HERC4: variants seen among roughly 807,000 people sequenced by gnomAD.
HERC4 encodes probable E3 ubiquitin-protein ligase HERC4.
A neutral mutation model predicts 124.3 loss-of-function variants in HERC4; 28 were observed. The ratio of observed to expected loss-of-function variants is 0.23; its 90% CI spans 0.17 to 0.31. HERC4 has a LOEUF of 0.31. Among genes scored for constraint, HERC4 ranks in the 10% least tolerant of loss-of-function variants. The pLI is 1.00. For synonymous variants in HERC4, 407 were observed against 421.5 expected (o/e 0.97, Z 0.42); for missense variants, 713 against 1,229.3 (o/e 0.58, Z 6.28).
At chr10:68,022,232 G>A (rs1034579301) in intron 8 of HERC4, among the ~76,000 whole-genome samples, 4 of 152,158 alleles carry the variant, frequency 2.6e-5, no homozygotes, top group Non-Finnish European at 5.9e-5. Context: ...AGGTGTGGGG[G>A]CTCACGCCTG....
chr10:67,950,727 G>C (rs114436460), intron 19 of HERC4, among the ~76,000 whole-genome samples: 2 of 152,206 alleles, frequency 1.3e-5, no homozygotes, highest in Non-Finnish European at 2.9e-5. Flanking sequence ...TTGATTTCAC[G>C]GTCTTCAACA....
At chr10:67,954,010 T>G (rs183712923) in intron 19 of HERC4, among the ~76,000 whole-genome samples, 4 of 152,334 alleles carry the variant, frequency 2.6e-5, no homozygotes, top group Non-Finnish European at 5.9e-5. Flanking sequence ...TCTACTAAAC[T>G]GATCCATCCT....
At position 67,992,686 on chromosome 10, in the gene HERC4, T is replaced by G. The variant is rs770707791; in HGVS notation, c.1070-4A>C. 7 of 1,439,646 alleles carry G rather than the reference T, an allele frequency of 4.9e-6. No individual in the cohort carries two copies. Among genetic ancestry groups the G allele is most frequent in the Non-Finnish European group, 6.7e-6 (7 of 1,045,764 alleles). 89.2% of individuals were successfully genotyped at this position (1,439,646 alleles called of 1,614,324 possible). A position where few individuals can be genotyped will look rare whatever the true frequency, so the allele number is the denominator to read the frequency against. ...ACACAGAAATATTCTTCAGAATCTG[T>G]AATAAAAATGTAAAAAATTAAAAGC... On this transcript the variant is annotated splice_polypyrimidine_tract_variant and splice_region_variant and intron_variant, in intron 9 of 24. Transcript: ENST00000373700.
chr10:67,923,567 TC>T (rs2030492020), intron 24 of HERC4, among the ~76,000 whole-genome samples: 1 of 152,122 alleles, frequency 6.6e-6, no homozygotes, highest in African/African-American at 2.4e-5. Context: ...TTCAAATCAT[TC>T]TTTTTTTTTT....
rs550623934 is a variant in HERC4 at position 67,931,586 on chromosome 10, G to A, written c.2838+1011C>T. ...ATTACAGGTGTGTGCCACCACACCC[G>A]ATTAATTTTTGTATTTTTAGTAGAG... On this transcript the variant is annotated intron_variant, in intron 23 of 24. Coordinates refer to ENST00000373700, the MANE Select transcript of HERC4 (RefSeq NM_015601.4). Among the ~76,000 whole-genome samples the A allele has an allele frequency of 8.6e-5, 13 of 151,568 alleles. 2 individuals carry two copies. Among genetic ancestry groups the A allele is most frequent in the African/African-American group, 2.7e-4 (11 of 41,304 alleles).
At chr10:68,051,872 T>C (rs900581803) in intron 3 of HERC4, among the ~76,000 whole-genome samples, 2 of 151,308 alleles carry the variant, frequency 1.3e-5, no homozygotes, top group African/African-American at 2.4e-5. Flanking sequence ...TTTCACTATG[T>C]TGCCCAGGGT....
intron 22 of HERC4, among the ~76,000 whole-genome samples, chr10:67,933,722 G>A (rs968848905): frequency 6.6e-6 from 1 of 152,022 alleles, no homozygotes; most frequent in African/African-American, 2.4e-5. Context: ...ACATCAAATA[G>A]TAACAATCCT....
At chr10:68,031,165 T>C (rs867269739) in intron 7 of HERC4, among the ~76,000 whole-genome samples, 36 of 152,108 alleles carry the variant, frequency 2.4e-4, no homozygotes, top group African/African-American at 7.5e-4. Flanking sequence ...GAGAGAAGAA[T>C]ACAAAAGATT....
At chr10:67,931,856 G>A (rs2031848316) in intron 23 of HERC4, among the ~76,000 whole-genome samples, 1 of 152,138 alleles carries the variant, frequency 6.6e-6, no homozygotes, top group African/African-American at 2.4e-5. Context: ...TCAACCACCT[G>A]GGATCAAGAG....
At position 68,059,873 on chromosome 10, in the gene HERC4, A is replaced by ATATC. The variant is rs1564610135; in HGVS notation, c.226+13009_226+13010insGATA. ...TATATATCATAATATTATATATTATAATAATATTATATATCATAATATTAT... is the reference window on the plus strand; with the variant it reads ...TATATATCATAATATTATATATTATATATCATAATATTATATATCATAATATTAT... On this transcript the variant is annotated intron_variant, in intron 3 of 24. Transcript: ENST00000373700. 3.9e-4 allele frequency among the ~76,000 whole-genome samples: 29 copies of ATATC among 73,494 alleles called. 6 individuals are homozygous for ATATC. Among genetic ancestry groups the ATATC allele is most frequent in the African/African-American group, 3.8e-3 (28 of 7,372 alleles). 48.2% of individuals were successfully genotyped at this position (73,494 alleles called of 152,430 possible).
chr10:67,998,612 A>G (rs2132892987), intron 9 of HERC4, among the ~76,000 whole-genome samples: 1 of 151,366 alleles, frequency 6.6e-6, no homozygotes, highest in Non-Finnish European at 1.5e-5. Flanking sequence ...TATTATTTAA[A>G]ATGTTTTCTG....
chr10:68,020,269 CA>C (rs2038529483), intron 8 of HERC4, among the ~76,000 whole-genome samples: 1 of 152,036 alleles, frequency 6.6e-6, no homozygotes, highest in African/African-American at 2.4e-5. Flanking sequence ...ACAAGACATA[CA>C]AAGTAGTAGG....
intron 7 of HERC4, among the ~76,000 whole-genome samples, chr10:68,031,090 A>G (rs1328107833): frequency 1.3e-5 from 2 of 152,174 alleles, no homozygotes; most frequent in East Asian, 3.8e-4. Context: ...ACAACTATCT[A>G]ATTTTGTTAA....
chr10:68,008,604 T>C (rs1017234564), intron 9 of HERC4, among the ~76,000 whole-genome samples: 1 of 152,154 alleles, frequency 6.6e-6, no homozygotes, highest in Non-Finnish European at 1.5e-5. Context: ...TCAAAATTTT[T>C]AAATATTTTT....
chr10:68,047,104 C>T (rs2040051367), intron 3 of HERC4, among the ~76,000 whole-genome samples: 6 of 150,538 alleles, frequency 4.0e-5, no homozygotes, highest in Admixed American at 4.0e-4. Flanking sequence ...GCAAAACCAA[C>T]AGCAAAGTCA....
chr10:68,065,587 A>G (rs1035541262), intron 3 of HERC4, among the ~76,000 whole-genome samples: 29 of 152,128 alleles, frequency 1.9e-4, no homozygotes, highest in African/African-American at 6.3e-4. Flanking sequence ...ACAAACTCTA[A>G]TAAGGCCTGG....
At chr10:68,000,029 T>C (rs1428434935) in intron 9 of HERC4, among the ~76,000 whole-genome samples, 1 of 152,222 alleles carries the variant, frequency 6.6e-6, no homozygotes, top group Non-Finnish European at 1.5e-5. Context: ...AAGTCACTTT[T>C]TTTTCTTTTG....
At chr10:67,978,996 C>A (rs1194930587) in intron 15 of HERC4, among the ~76,000 whole-genome samples, 4 of 152,094 alleles carry the variant, frequency 2.6e-5, no homozygotes, top group African/African-American at 9.7e-5. Context: ...GAAAGCCTTT[C>A]CAAGAAGCAC....
At chr10:67,981,866 G>A (rs562186284) in intron 15 of HERC4, among the ~76,000 whole-genome samples, 2 of 152,038 alleles carry the variant, frequency 1.3e-5, no homozygotes, top group Admixed American at 1.3e-4. Context: ...ACTTGAATCG[G>A]GGGGGTGGAG....
Sources: allele counts gnomAD v4.1 joint callset (sites outside exome capture counted in the v4.1 genomes callset), GRCh38; gene constraint gnomAD v4.1.1; transcripts MANE v1.5; gene names NCBI Gene and HGNC (gene_info 2026-07-23, HGNC 2026-07-21).